ANK2: variants seen among roughly 807,000 people sequenced by gnomAD.
ANK2 encodes the protein ankyrin 2.
ANK2 carries 83 observed loss-of-function variants against 360.5 expected under a neutral mutation model. The ratio of observed to expected loss-of-function variants is 0.23; its 90% confidence interval spans 0.19 to 0.28. The LOEUF is 0.28. ANK2 is among the 10% of genes least tolerant of loss of function. The pLI, the probability that ANK2 is intolerant of heterozygous loss-of-function variation, is 1.00. For synonymous variants in ANK2, 1,740 were observed against 1,759.5 expected, an observed-to-expected ratio of 0.99 and a Z score of 0.28; for missense variants, 4,201 against 4,795.7, an observed-to-expected ratio of 0.88 and a Z score of 3.66.
intron 1 of ANK2, among the ~76,000 whole-genome samples, chr4:112,892,146 A>G (rs1254681439): frequency 6.6e-6 from 1 of 152,146 alleles, no homozygotes; most frequent in African/African-American, 2.4e-5. Context: ...TGGGAGTTCT[A>G]GGTGGCTCTG....
intron 2 of ANK2, among the ~76,000 whole-genome samples, chr4:113,002,002 T>A (rs1561488110): frequency 6.6e-6 from 1 of 150,902 alleles, no homozygotes; most frequent in Non-Finnish European, 1.5e-5. Context: ...CATCCGTTTC[T>A]TTTATTTATT....
In ANK2 at chr4:113,358,045, C is replaced by G. The variant is rs776074680; in HGVS notation, c.9427C>G (p.Leu3143Val). 6.8e-6 allele frequency: 11 copies of G among 1,613,914 alleles called. No homozygotes were observed. Among genetic ancestry groups the G allele is most frequent in the East Asian group, 6.7e-5 (3 of 44,878 alleles). Residue 3143 changes from leucine (L) to valine (V), a missense_variant, in exon 38 of 46, where the codon CTC (leucine) becomes GTC (valine). By Grantham distance (32) the Leu-to-Val change is conservative. This residue lies in a region of ANK2 where 2,642 missense variants were observed against 2,714.5 expected (regional missense o/e 0.97). Transcript: ENST00000357077. ...TGGTCAAGAATCCAGGGAAGAGACT[C>G]TCTCTGAAGATGTGAAAGAAGGGGC... Reference protein sequence around the residue: ...QIGQESREETLSEDVKEGATG... With the variant: ...QIGQESREETVSEDVKEGATG...
chr4:112,814,371 G>A (rs1353087662), upstream of ANK2, among the ~76,000 whole-genome samples: 1 of 152,114 alleles, frequency 6.6e-6, no homozygotes, highest in African/African-American at 2.4e-5. Context: ...TTTCATTAAA[G>A]GGTGTTAGAG....
intron 2 of ANK2, among the ~76,000 whole-genome samples, chr4:113,010,774 G>C (rs1379694614): frequency 2.0e-5 from 3 of 152,010 alleles, no homozygotes; most frequent in Non-Finnish European, 2.9e-5. Flanking sequence ...TTTTTAACCT[G>C]TCCTCTTTCC....
rs747860838 is a variant in ANK2 at position 113,277,906 on chromosome 4, C to T, written c.1753C>T (p.Arg585Cys). 19 of 1,613,946 alleles carry T rather than the reference C, an allele frequency of 1.2e-5. No individual in the cohort carries two copies. The South Asian group carries it at 1.8e-4, about 15-fold the overall frequency. Residue 585 changes from arginine (R) to cysteine (C), a missense_variant, in exon 16 of 46, where the codon CGC becomes TGC. Arg to Cys is a radical substitution (Grantham distance 180, BLOSUM62 -3). Transcript: ENST00000357077. The part of the protein sequence containing the change: ...SLDVAKLLLQ[R>C]RAAADSAGKN... Reference sequence around the variant, plus strand: ...GGATGTGGCAAAACTTCTCTTGCAACGCCGTGCTGCCGCAGATTCTGCAGG... The same window carrying T: ...GGATGTGGCAAAACTTCTCTTGCAATGCCGTGCTGCCGCAGATTCTGCAGG...
At chr4:112,769,566 TGCC>T in the ANK2 span, among the ~76,000 whole-genome samples, 1 of 152,202 alleles carries the variant, frequency 6.6e-6, no homozygotes. Flanking sequence ...TTTCCATCAG[TGCC>T]CATCAATGCT....
rs950294169 is a variant in ANK2 at position 113,235,368 on chromosome 4, G to A, written c.484-1619G>A. On this transcript the variant is annotated intron_variant, in intron 5 of 45. Transcript: ENST00000357077. Reference sequence around the variant, plus strand: ...AAAATTCAGTTATTATTAAAAAAACGATTATTATTGCTGGTACTGCACATT... The same window carrying A: ...AAAATTCAGTTATTATTAAAAAAACAATTATTATTGCTGGTACTGCACATT... 2.6e-5 allele frequency among the ~76,000 whole-genome samples: 4 copies of A among 152,154 alleles called. No individual in the cohort carries two copies. In the East Asian group the frequency reaches 5.8e-4, roughly 22 times the overall value.
rs559768136 is a variant in ANK2, at chr4:112,858,315, A to G, written c.-40+40051A>G. Among the ~76,000 whole-genome samples the G allele has an allele frequency of 5.3e-5, 8 of 152,310 alleles. No homozygotes were observed. In the South Asian group the frequency reaches 1.7e-3, roughly 32 times the overall value. On this transcript the variant is annotated intron_variant, in intron 1 of 30. Coordinates refer to the ANK2 transcript ENST00000503271. Reference sequence around the variant, plus strand: ...AATAAGGTTAGTAAAAAATAGAACTATTATATCTTGAGCACAGACTATGTG... The same window carrying G: ...AATAAGGTTAGTAAAAAATAGAACTGTTATATCTTGAGCACAGACTATGTG...
intron 4 of ANK2, chr4:113,214,395 T>G: frequency 1.1e-6 from 1 of 914,984 alleles, no homozygotes; most frequent in South Asian, 1.3e-5. Context: ...CTTTGTCATC[T>G]TGGAGGCACG....
At chr4:113,028,968 A>G (rs1302567807) in intron 2 of ANK2, among the ~76,000 whole-genome samples, 1 of 152,110 alleles carries the variant, frequency 6.6e-6, no homozygotes, top group Non-Finnish European at 1.5e-5. Flanking sequence ...ATATAAGCTA[A>G]TATCTTGGAA....
At chr4:112,788,791 G>A in the ANK2 span, 3 of 1,312,602 alleles carry the variant, frequency 2.3e-6, no homozygotes, top group South Asian at 1.2e-5. Flanking sequence ...TCAAACAGGG[G>A]ATTCACCACT....
At chr4:112,978,727 G>T (rs1385122517) in intron 2 of ANK2, among the ~76,000 whole-genome samples, 1 of 152,074 alleles carries the variant, frequency 6.6e-6, no homozygotes, top group East Asian at 1.9e-4. Context: ...CTCTCAGTGG[G>T]CATTTGGGTT....
At chr4:113,336,839 G>A (rs1054631401) in intron 31 of ANK2, 58 bp downstream of exon 31, 1 of 1,516,742 alleles carries the variant, frequency 6.6e-7, no homozygotes, top group Admixed American at 1.7e-5. Context: ...TTAGATCGTT[G>A]TAAATATTAA....
intron 1 of ANK2, among the ~76,000 whole-genome samples, chr4:113,073,535 CAGA>C (rs1349206383): frequency 6.6e-6 from 1 of 152,076 alleles, no homozygotes; most frequent in Admixed American, 6.6e-5. Flanking sequence ...AAGTATTCTA[CAGA>C]AGACTACAGG....
intron 2 of ANK2, among the ~76,000 whole-genome samples, chr4:113,181,955 A>G (rs1260084174): frequency 6.6e-6 from 1 of 151,658 alleles, no homozygotes; most frequent in Non-Finnish European, 1.5e-5. Context: ...GAAGAGTGAC[A>G]TACGCTGACG....
In ANK2 at chr4:113,381,611, AAGG is replaced by A. The variant is rs786205419; in HGVS notation, c.*145_*147del. 2.6e-6 allele frequency: 4 copies of A among 1,567,124 alleles called. No individual in the cohort carries two copies. Among genetic ancestry groups the A allele is most frequent in the Admixed American group, 3.7e-5 (2 of 53,786 alleles). On this transcript the variant is annotated 3_prime_UTR_variant, in exon 46 of 46. Transcript: ENST00000357077. ...CCAGCAGCTCCTTCGGCATTTCTGCAAGGAGGACTTGAAGCAAGAGGCCAAGTG... is the reference window on the plus strand; with the variant it reads ...CCAGCAGCTCCTTCGGCATTTCTGCAAGGACTTGAAGCAAGAGGCCAAGTG...
chr4:112,895,097 T>C (rs2081341140), intron 1 of ANK2, among the ~76,000 whole-genome samples: 1 of 152,218 alleles, frequency 6.6e-6, no homozygotes, highest in Non-Finnish European at 1.5e-5. Flanking sequence ...TGCTGGTAAA[T>C]GGCCTAAGGG....
intron 1 of ANK2, among the ~76,000 whole-genome samples, chr4:112,854,975 G>A (rs2150022343): frequency 6.6e-6 from 1 of 152,216 alleles, no homozygotes; most frequent in Non-Finnish European, 1.5e-5. Context: ...TATATAGTCA[G>A]ACCACAAAAC....
rs1554340372 is a variant in ANK2 at position 113,250,764 on chromosome 4, C to CCG, written c.990+903_990+904insGC. ...TCCACCTCATACCACCGCCCCCCCCCCCGACAGAGTTGGTATCAACTAATG... is the reference window on the plus strand; with the variant it reads ...TCCACCTCATACCACCGCCCCCCCCCCGCCGACAGAGTTGGTATCAACTAATG... On this transcript the variant is annotated intron_variant, in intron 10 of 45. Coordinates refer to ENST00000357077, the MANE Select transcript of ANK2 (RefSeq NM_001148.6). Among the ~76,000 whole-genome samples, 35 of 139,814 alleles carry CCG rather than the reference C, an allele frequency of 2.5e-4. 8 individuals carry two copies. The South Asian group carries it at 4.3e-3, about 17-fold the overall frequency. 91.7% of individuals were successfully genotyped at this position (139,814 alleles called of 152,430 possible). A position where few individuals can be genotyped will look rare whatever the true frequency, so the allele number is the denominator to read the frequency against.
Sources: gnomAD v4.1 joint callset for allele counts (sites outside exome capture counted in the v4.1 genomes callset) on GRCh38, gnomAD v4.1.1 for gene constraint, gnomAD v4.1.1 regional missense constraint, MANE v1.5 for transcripts, NCBI Gene and HGNC (gene_info 2026-07-23, HGNC 2026-07-21) for gene names.